The following HOXC13 variants were observed in gnomAD, a reference collection of about 807,000 sequenced individuals.
HOXC13 encodes the protein homeobox protein Hox-C13.
A neutral mutation model predicts 25.9 loss-of-function variants in HOXC13; 10 were observed. The ratio of observed to expected loss-of-function variants is 0.39; its 90% confidence interval spans 0.24 to 0.65. The LOEUF (loss-of-function observed/expected upper bound fraction) is 0.65, where lower values mean the gene tolerates loss of function less well. Among genes scored for constraint, HOXC13 ranks in the 30% least tolerant of loss-of-function variants. HOXC13 has a pLI of 0.50. For missense variants in HOXC13, 439 were observed against 478.3 expected, an observed-to-expected ratio of 0.92 and a Z score of 0.77; for synonymous variants, 233 against 217.1, an observed-to-expected ratio of 1.07 and a Z score of -0.64.
Position 53,939,434 on chromosome 12 carries a change from C to A in HOXC13, c.528C>A (p.Pro176=). 6.2e-7 allele frequency: 1 copy of A among 1,604,792 alleles called. No homozygotes were observed. ...SSRAKEFAFY[P]SFASSYQAMP... ...GGGCCAAGGAGTTCGCCTTCTACCC[C>A]AGCTTCGCCAGCTCCTACCAGGCGA... is the stretch of plus-strand genomic sequence containing the variant. Residue 176 remains proline, a synonymous_variant, in exon 1 of 2, where the codon CCC becomes CCA. Transcript: ENST00000243056. The surrounding 1 kb of genome is among the most constrained non-coding windows in gnomAD (Gnocchi z 6.7).
At chr12:53,944,333 T>A (rs1302363751) in intron 1 of HOXC13, among the ~76,000 whole-genome samples, 1 of 152,152 alleles carries the variant, frequency 6.6e-6, no homozygotes, top group East Asian at 1.9e-4. Flanking sequence ...ACACTTATCT[T>A]CTATCTGTGC....
In HOXC13 at chr12:53,945,046, C is replaced by G; in HGVS notation, c.783C>G (p.Arg261=). Residue 261 remains arginine, a synonymous_variant, in exon 2 of 2, where the codon CGC becomes CGG. Coordinates refer to ENST00000243056, the MANE Select transcript of HOXC13 (RefSeq NM_017410.3). This position sits in a 1 kb window ranked among gnomAD's most constrained non-coding sequence, Gnocchi z 4.4. ...AGGTGAGCAGCTACCGGCGCGGGCGCAAGAAACGCGTGCCCTACACTAAGG... is the reference window on the plus strand; with the variant it reads ...AGGTGAGCAGCTACCGGCGCGGGCGGAAGAAACGCGTGCCCTACACTAAGG... ...QPEVSSYRRG[R]KKRVPYTKVQ... 6.2e-7 allele frequency: 1 copy of G among 1,613,990 alleles called. No individual in the cohort carries two copies. Among genetic ancestry groups the G allele is most frequent in the Non-Finnish European group, 8.5e-7 (1 of 1,179,978 alleles).
intron 1 of HOXC13, among the ~76,000 whole-genome samples, chr12:53,943,298 C>T (rs1938640658): frequency 6.6e-6 from 1 of 152,192 alleles, no homozygotes; most frequent in South Asian, 2.1e-4. Context: ...GGTATCACTA[C>T]ATATCCTCTT....
At chr12:53,942,629 C>T (rs1938631897) in intron 1 of HOXC13, among the ~76,000 whole-genome samples, 1 of 152,180 alleles carries the variant, frequency 6.6e-6, no homozygotes. Context: ...TCACTTTAGG[C>T]AGTGTACGCA....
In HOXC13 at chr12:53,940,508, T is replaced by A. The variant is rs553952057; in HGVS notation, c.736+866T>A. On this transcript the variant is annotated intron_variant, in intron 1 of 1. Coordinates refer to ENST00000243056, the MANE Select transcript of HOXC13 (RefSeq NM_017410.3). ...ACCCAGGCTGGGGACCCCTTGGTCT[T>A]GTCTGGCTAAGGATGGGAAGGGAGA... Among the ~76,000 whole-genome samples the A allele has an allele frequency of 2.0e-5, 3 of 152,280 alleles. No homozygotes were observed. In the South Asian group the frequency reaches 6.2e-4, roughly 32 times the overall value.
rs758942357 is a variant in HOXC13, at chr12:53,939,258, A to T, written c.352A>T (p.Thr118Ser). 8 of 1,551,086 alleles carry T rather than the reference A, an allele frequency of 5.2e-6. No individual in the cohort carries two copies. In the African/African-American group the frequency reaches 8.2e-5, roughly 16 times the overall value. The change falls in exon 1 of 2, where the codon ACC (threonine) becomes TCC (serine). Residue 118 changes from threonine to serine, a missense_variant. Thr to Ser is a moderately conservative substitution (Grantham distance 58). Transcript: ENST00000243056. This position sits in a 1 kb window ranked among gnomAD's most constrained non-coding sequence, Gnocchi z 6.7. The part of the protein sequence containing the change: ...PPAPPTSSSA[T>S]LGYGYPFGGS... ...CGCACCCCCCACCTCGTCCAGCGCC[A>T]CCCTGGGCTACGGCTACCCCTTCGG...
At chr12:53,942,519 A>C (rs1269725399) in intron 1 of HOXC13, among the ~76,000 whole-genome samples, 1 of 152,120 alleles carries the variant, frequency 6.6e-6, no homozygotes, top group Non-Finnish European at 1.5e-5. Context: ...TTACTCCTCA[A>C]AGGTGTCTAT....
At chr12:53,941,109 G>A (rs1382665003) in intron 1 of HOXC13, among the ~76,000 whole-genome samples, 1 of 151,964 alleles carries the variant, frequency 6.6e-6, no homozygotes, top group Non-Finnish European at 1.5e-5. Context: ...TTTAGTACAT[G>A]GTATTATGCA....
rs576457375 is a variant in HOXC13, at chr12:53,945,199, G to A, written c.936G>A (p.Arg312=). The A allele has an allele frequency of 2.5e-6, 4 of 1,614,148 alleles. No homozygotes were observed. The Admixed American group carries it at 5.0e-5, about 20-fold the overall frequency. The part of the protein sequence containing the change: ...RQVTIWFQNR[R]VKEKKVVSKS... ...TAACCATCTGGTTCCAGAACCGGCG[G>A]GTCAAAGAGAAGAAGGTGGTCAGCA... The change falls in exon 2 of 2, where the codon CGG becomes CGA. Residue 312 remains arginine, a synonymous_variant. Coordinates refer to ENST00000243056, the MANE Select transcript of HOXC13 (RefSeq NM_017410.3). This position sits in a 1 kb window ranked among gnomAD's most constrained non-coding sequence, Gnocchi z 4.4.
chr12:53,942,119 G>GT (rs1308476705), intron 1 of HOXC13, among the ~76,000 whole-genome samples: 2 of 44,900 alleles, frequency 4.5e-5, no homozygotes, highest in Admixed American at 3.2e-4. Flanking sequence ...TTATTGCTCT[G>GT]GTTTTTTTTT....
chr12:53,939,053 G>A lies in HOXC13; in HGVS notation c.147G>A (p.Ala49=), dbSNP rs1007337269. The change falls in exon 1 of 2, where the codon GCG becomes GCA. Residue 49 remains alanine (A), a synonymous_variant. Transcript: ENST00000243056. The surrounding 1 kb of genome is among the most constrained non-coding windows in gnomAD (Gnocchi z 6.7). ...TGGAGGGCSG[A]SPGKAPSMDG... ...GAGCGGGGGGTGGCTGCAGCGGAGC[G>A]AGCCCCGGCAAAGCCCCGAGCATGG... The A allele has an allele frequency of 6.9e-7, 1 of 1,440,356 alleles. No homozygotes were observed. The highest frequency in any genetic ancestry group is 9.0e-7 in the Non-Finnish European group (1 of 1,106,988). The allele number at this position is 1,440,356 out of a possible 1,614,324, so 89.2% of individuals were successfully genotyped here.
rs34115456 is a variant in HOXC13, at chr12:53,938,989, T to TCGGCGG, written c.93_98dup (p.Gly37_Gly38dup). 4.5e-5 allele frequency: 67 copies of TCGGCGG among 1,505,300 alleles called. No homozygotes were observed. The South Asian group carries it at 6.0e-4, about 14-fold the overall frequency. 93.2% of individuals were successfully genotyped at this position (1,505,300 alleles called of 1,614,324 possible). ...GAGGACAGCGCGGCGGAGAGCGGCA[T>TCGGCGG]CGGCGGCGGCGGCGGAGGAGGAGGC... On this transcript the variant is annotated inframe_insertion, in exon 1 of 2. Coordinates refer to ENST00000243056, the MANE Select transcript of HOXC13 (RefSeq NM_017410.3).
At position 53,941,061 on chromosome 12, in the gene HOXC13, C is replaced by T. The variant is rs374042090; in HGVS notation, c.736+1419C>T. Among the ~76,000 whole-genome samples the T allele has an allele frequency of 1.3e-3, 199 of 152,136 alleles. 1 individual carries two copies. Among genetic ancestry groups the T allele is most frequent in the African/African-American group, 4.7e-3 (193 of 41,472 alleles). On this transcript the variant is annotated intron_variant, in intron 1 of 1. Coordinates refer to ENST00000243056, the MANE Select transcript of HOXC13 (RefSeq NM_017410.3). ...ACCAGGGTATGACCTACACTAGGCACCCTGACTTCTGATTGCCAGAATTAA... is the reference window on the plus strand; with the variant it reads ...ACCAGGGTATGACCTACACTAGGCATCCTGACTTCTGATTGCCAGAATTAA...
chr12:53,940,576 G>C (rs1025640688), intron 1 of HOXC13, among the ~76,000 whole-genome samples: 4 of 152,142 alleles, frequency 2.6e-5, no homozygotes, highest in Admixed American at 1.3e-4. Flanking sequence ...AGAGAGAAAG[G>C]CTCCTGTAAA....
Position 53,938,994 on chromosome 12 carries a change from G to A in HOXC13, c.88G>A (p.Gly30Ser), listed in dbSNP as rs2136354570. 2 of 1,503,456 alleles carry A rather than the reference G, an allele frequency of 1.3e-6. No individual in the cohort carries two copies. Among genetic ancestry groups the A allele is most frequent in the South Asian group, 1.2e-5 (1 of 81,058 alleles). The allele number at this position is 1,503,456 out of a possible 1,614,324, so 93.1% of individuals were successfully genotyped here. The change falls in exon 1 of 2, where the codon GGC becomes AGC. Residue 30 changes from glycine to serine, a missense_variant. Physicochemically the swap from Gly to Ser is moderately conservative, Grantham distance 56. Transcript: ENST00000243056. ...CAGCGCGGCGGAGAGCGGCATCGGCGGCGGCGGCGGAGGAGGAGGCGGCGG... is the reference window on the plus strand; with the variant it reads ...CAGCGCGGCGGAGAGCGGCATCGGCAGCGGCGGCGGAGGAGGAGGCGGCGG... ...EDSAAESGIG[G>S]GGGGGGGGTG...
chr12:53,939,693 G>A lies in HOXC13; in HGVS notation c.736+51G>A. On this transcript the variant is annotated intron_variant, in intron 1 of 1. Coordinates refer to ENST00000243056, the MANE Select transcript of HOXC13 (RefSeq NM_017410.3). This position sits in a 1 kb window ranked among gnomAD's most constrained non-coding sequence, Gnocchi z 6.7. Reference sequence around the variant, plus strand: ...GCCGCCGGGGACCCCTCCCCGCCCTGCCTGCCCCGGGGCTCCGCGCCCCAA... The same window carrying A: ...GCCGCCGGGGACCCCTCCCCGCCCTACCTGCCCCGGGGCTCCGCGCCCCAA... 1 of 1,301,116 alleles carries A rather than the reference G, an allele frequency of 7.7e-7. No homozygotes were observed. The allele number at this position is 1,301,116 out of a possible 1,614,324, so 80.6% of individuals were successfully genotyped here. A position where few individuals can be genotyped will look rare whatever the true frequency, so the allele number is the denominator to read the frequency against.
rs1938682294 is a variant in HOXC13, at chr12:53,945,615, G to C, written c.*359G>C. The C allele has an allele frequency of 2.8e-6, 1 of 360,430 alleles. No homozygotes were observed. Among genetic ancestry groups the C allele is most frequent in the African/African-American group, 2.0e-5 (1 of 50,180 alleles). 22.3% of individuals were successfully genotyped at this position (360,430 alleles called of 1,614,324 possible). The stretch of plus-strand genomic sequence containing the variant: ...ATCATTCCAACCAAAGCAGGGTTGG[G>C]GAATCCCGAATGGCCCCAATTCTTG... On this transcript the variant is annotated 3_prime_UTR_variant, in exon 2 of 2. Coordinates refer to ENST00000243056, the MANE Select transcript of HOXC13 (RefSeq NM_017410.3). This position sits in a 1 kb window ranked among gnomAD's most constrained non-coding sequence, Gnocchi z 4.4.
Position 53,946,493 on chromosome 12 carries a change from GAAAA to G in HOXC13, c.*1241_*1244del. ...ATGACAATGTACTGAATGCAAAAAG[GAAAA>G]AAACCCACAAACATGTTTTTAAAAT... On this transcript the variant is annotated 3_prime_UTR_variant, in exon 2 of 2. Coordinates refer to ENST00000243056, the MANE Select transcript of HOXC13 (RefSeq NM_017410.3). The G allele has an allele frequency of 5.0e-6, 1 of 200,476 alleles. No individual in the cohort carries two copies. Among genetic ancestry groups the G allele is most frequent in the Non-Finnish European group, 1.0e-5 (1 of 97,052 alleles). The allele number at this position is 200,476 out of a possible 1,614,324, so 12.4% of individuals were successfully genotyped here. A position where few individuals can be genotyped will look rare whatever the true frequency, so the allele number is the denominator to read the frequency against.
At chr12:53,943,117 T>G (rs1478644721) in intron 1 of HOXC13, among the ~76,000 whole-genome samples, 1 of 152,266 alleles carries the variant, frequency 6.6e-6, no homozygotes, top group East Asian at 1.9e-4. Context: ...TACTGTATCA[T>G]TTTAAGAGTC....
Sources: allele counts gnomAD v4.1 joint callset (sites outside exome capture counted in the v4.1 genomes callset), GRCh38; gene constraint gnomAD v4.1.1; non-coding constraint Gnocchi (gnomAD v3.1); transcripts MANE v1.5; gene names NCBI Gene and HGNC (gene_info 2026-07-23, HGNC 2026-07-21).